Variants in CLEC4C observed in about 807,000 individuals in gnomAD.
CLEC4C encodes the protein C-type (calcium dependent, carbohydrate-recognition domain) lectin, superfamily member 11.
CLEC4C carries 17 observed loss-of-function variants against 27.7 expected under a neutral mutation model. The ratio of observed to expected loss-of-function variants is 0.61; its 90% confidence interval spans 0.42 to 0.92. The LOEUF is 0.92. Among genes scored for constraint, CLEC4C ranks in the 40% least tolerant of loss-of-function variants. The pLI is 0.00. For synonymous variants in CLEC4C, 80 were observed against 80.8 expected (o/e 0.99, Z 0.06); for missense variants, 244 against 257.3 (o/e 0.95, Z 0.35).
chr12:7,737,046 C>T (rs980342900), intron 4 of CLEC4C, among the ~76,000 whole-genome samples: 1 of 152,122 alleles, frequency 6.6e-6, no homozygotes, highest in African/African-American at 2.4e-5. Context: ...GCCTGACTAA[C>T]ATGGTGAAAC....
Position 7,729,728 on chromosome 12 carries a change from T to C in CLEC4C, c.510A>G (p.Ser170=), listed in dbSNP as rs1864548796. The change falls in exon 6 of 6, where the codon TCA becomes TCG. Residue 170 remains serine (S), a synonymous_variant. Transcript: ENST00000360345. The stretch of plus-strand genomic sequence containing the variant: ...GCTCATCAAGGTTATTGGGTTCACC[T>C]GAGTGCCAGAATCTGAAAGGTAGAT... ...PYNENVTFWH[S]GEPNNLDERC... is the part of the protein sequence containing the mutation. 1 of 1,613,816 alleles carries C rather than the reference T, an allele frequency of 6.2e-7. No individual in the cohort carries two copies. Among genetic ancestry groups the C allele is most frequent in the Non-Finnish European group, 8.5e-7 (1 of 1,179,918 alleles).
chr12:7,740,417 T>C (rs1418916293), intron 3 of CLEC4C, among the ~76,000 whole-genome samples: 1 of 151,838 alleles, frequency 6.6e-6, no homozygotes, highest in African/African-American at 2.4e-5. Context: ...GAAAAACTGC[T>C]GGCCAGGCAC....
rs768949365 is a variant in CLEC4C at position 7,745,207 on chromosome 12, G to A, written c.124+1124C>T. On this transcript the variant is annotated intron_variant, in intron 2 of 5. Coordinates refer to ENST00000360345, the MANE Select transcript of CLEC4C (RefSeq NM_001371390.1). ...AAATCAGGTTTAGATGAGGTTATGA[G>A]GGGGGGCTCTCATGGTGAGATGAAT... Among the ~76,000 whole-genome samples, 13 of 151,928 alleles carry A rather than the reference G, an allele frequency of 8.6e-5. No homozygotes were observed. In the East Asian group the frequency reaches 2.3e-3, roughly 27 times the overall value.
intron 5 of CLEC4C, 116 bp downstream of exon 5, chr12:7,730,666 CTTGATGTCAAATAGA>C: frequency 2.0e-6 from 1 of 503,200 alleles, no homozygotes; most frequent in Non-Finnish European, 3.6e-6. Flanking sequence ...AAGCACAACC[CTTGATGTCAAATAGA>C]CCTAGGTTTT....
Position 7,734,713 on chromosome 12 carries a change from T to C in CLEC4C, c.381+2716A>G, listed in dbSNP as rs182213168. Reference sequence around the variant, plus strand: ...ACAGGCATGTGCCACCATGCCGAGCTAATTTTTGTATTTTTAGTAGAGAAG... The same window carrying C: ...ACAGGCATGTGCCACCATGCCGAGCCAATTTTTGTATTTTTAGTAGAGAAG... On this transcript the variant is annotated intron_variant, in intron 4 of 5. Transcript: ENST00000360345. Among the ~76,000 whole-genome samples, 704 of 152,094 alleles carry C rather than the reference T, an allele frequency of 4.6e-3. 4 individuals are homozygous for C. The highest frequency in any genetic ancestry group is 0.016 in the African/African-American group (667 of 41,526).
chr12:7,734,925 G>T (rs1363718274), intron 4 of CLEC4C, among the ~76,000 whole-genome samples: 1 of 152,058 alleles, frequency 6.6e-6, no homozygotes, highest in Non-Finnish European at 1.5e-5. Context: ...CATAGGCCAG[G>T]CATGGTGTCT....
chr12:7,732,495 G>C (rs948880082), intron 4 of CLEC4C, among the ~76,000 whole-genome samples: 2 of 150,500 alleles, frequency 1.3e-5, no homozygotes, highest in Middle Eastern at 3.3e-3. Context: ...GGGATTACAC[G>C]CACGAGCCAC....
chr12:7,743,458 C>T (rs1358157836), intron 2 of CLEC4C, among the ~76,000 whole-genome samples: 2 of 151,316 alleles, frequency 1.3e-5, no homozygotes, highest in African/African-American at 4.9e-5. Context: ...GATCTTGGCT[C>T]ACTGCAAGCT....
chr12:7,741,608 A>T, intron 2 of CLEC4C, 77 bp from the exon 3 acceptor site: 1 of 827,696 alleles, frequency 1.2e-6, no homozygotes, highest in Non-Finnish European at 2.1e-6. Context: ...TATGCTGTGG[A>T]CAGGCACAGT....
At chr12:7,746,231 A>G in intron 2 of CLEC4C, 100 bp downstream of exon 2, 5 of 720,972 alleles carry the variant, frequency 6.9e-6, no homozygotes, top group Non-Finnish European at 1.1e-5. Flanking sequence ...AAAAAAAAAA[A>G]AAGAAAAAAA....
intron 4 of CLEC4C, among the ~76,000 whole-genome samples, chr12:7,732,803 T>C (rs1265778334): frequency 6.6e-6 from 1 of 150,980 alleles, no homozygotes; most frequent in Non-Finnish European, 1.5e-5. Flanking sequence ...TCTACCAAAA[T>C]ACAAAAAATT....
upstream of CLEC4C, among the ~76,000 whole-genome samples, chr12:7,748,227 T>C (rs1865029507): frequency 6.6e-6 from 1 of 151,808 alleles, no homozygotes. Context: ...AATTGTAGAG[T>C]AGTGAGAAAA....
intron 2 of CLEC4C, among the ~76,000 whole-genome samples, chr12:7,743,379 C>CTTTTTTTTTTTTTTTTTTTTTTTT (rs375768241): frequency 7.0e-6 from 1 of 143,800 alleles, no homozygotes; most frequent in Non-Finnish European, 1.5e-5. Context: ...TCACTTAATT[C>CTTTTTTTTTTTTTTTTTTTTTTTT]TTTTTTTTTT....
intron 2 of CLEC4C, among the ~76,000 whole-genome samples, chr12:7,744,218 A>G (rs1202328190): frequency 1.3e-5 from 2 of 152,170 alleles, no homozygotes; most frequent in African/African-American, 4.8e-5. Context: ...GGAAGGGACA[A>G]CTATCCCAAC....
In CLEC4C at chr12:7,746,378, A is replaced by G; in HGVS notation, c.77T>C (p.Val26Ala). Residue 26 changes from valine to alanine, a missense_variant, in exon 2 of 6, where the codon GTC becomes GCC. By Grantham distance (64) the Val-to-Ala change is moderately conservative. Coordinates refer to ENST00000360345, the MANE Select transcript of CLEC4C (RefSeq NM_001371390.1). ...WFQLKVWSMAVVSILLLSVCF... is the reference protein window; with the variant it reads ...WFQLKVWSMAAVSILLLSVCF... ...GACACTGAGGAGCAAGATGGATACG[A>G]CTGCCATGGACCAGACCTTCAACTG... 6.2e-7 allele frequency: 1 copy of G among 1,613,974 alleles called. No homozygotes were observed. Among genetic ancestry groups the G allele is most frequent in the Non-Finnish European group, 8.5e-7 (1 of 1,179,922 alleles).
chr12:7,740,898 T>G (rs1315817243), intron 3 of CLEC4C, among the ~76,000 whole-genome samples: 1 of 150,188 alleles, frequency 6.7e-6, no homozygotes, highest in Non-Finnish European at 1.5e-5. Flanking sequence ...TGGAGTGCAG[T>G]GGCGCGATCT....
intron 2 of CLEC4C, among the ~76,000 whole-genome samples, chr12:7,742,511 G>T: frequency 8.4e-6 from 1 of 118,998 alleles, no homozygotes; most frequent in South Asian, 2.7e-4. Context: ...ACTTTGTCTC[G>T]AAAAAAAAAA....
chr12:7,736,440 T>G lies in CLEC4C; in HGVS notation c.381+989A>C, dbSNP rs141320155. The stretch of plus-strand genomic sequence containing the variant: ...CAGAGGATACAGTATGAAGGACTAA[T>G]GTTTAATTGGTTGACATTTCTTAGA... On this transcript the variant is annotated intron_variant, in intron 4 of 5. Coordinates refer to ENST00000360345, the MANE Select transcript of CLEC4C (RefSeq NM_001371390.1). 4.6e-3 allele frequency among the ~76,000 whole-genome samples: 707 copies of G among 152,324 alleles called. 4 individuals are homozygous for G. Among genetic ancestry groups the G allele is most frequent in the African/African-American group, 0.016 (670 of 41,582 alleles).
chr12:7,736,466 T>G (rs1864727950), intron 4 of CLEC4C, among the ~76,000 whole-genome samples: 1 of 152,228 alleles, frequency 6.6e-6, no homozygotes, highest in Non-Finnish European at 1.5e-5. Flanking sequence ...ATTTCTTAGA[T>G]GGCAAATATT....
Sources: allele counts gnomAD v4.1 joint callset (sites outside exome capture counted in the v4.1 genomes callset), GRCh38; gene constraint gnomAD v4.1.1; transcripts MANE v1.5; gene names NCBI Gene and HGNC (gene_info 2026-07-23, HGNC 2026-07-21).